ZFHX3: variants seen among roughly 807,000 people sequenced by gnomAD.
ZFHX3 encodes the protein zinc finger homeobox 3.
In ZFHX3, 42 loss-of-function variants were observed where a neutral mutation model predicts 279.1. The observed-to-expected ratio is 0.15, with a 90% CI of 0.12 to 0.19. The LOEUF (loss-of-function observed/expected upper bound fraction) is 0.19, where lower values mean the gene tolerates loss of function less well. ZFHX3 is among the 10% of genes least tolerant of loss of function. The pLI, the probability that ZFHX3 is intolerant of heterozygous loss-of-function variation, is 1.00. For synonymous variants in ZFHX3, 2,293 were observed against 1,957.8 expected, an observed-to-expected ratio of 1.17 and a Z score of -4.52; for missense variants, 4,981 against 4,754.0, an observed-to-expected ratio of 1.05 and a Z score of -1.40.
intron 1 of ZFHX3, among the ~76,000 whole-genome samples, chr16:73,695,958 T>C (rs1300453488): frequency 6.6e-6 from 1 of 152,186 alleles, no homozygotes; most frequent in Admixed American, 6.5e-5. Context: ...GTGGAAACTG[T>C]CTTATGCCAA....
intron 2 of ZFHX3, among the ~76,000 whole-genome samples, chr16:73,573,856 C>T (rs1212845403): frequency 6.6e-6 from 1 of 152,130 alleles, no homozygotes; most frequent in African/African-American, 2.4e-5. Flanking sequence ...TGCATATTTA[C>T]ATAAAATTTA....
intron 4 of ZFHX3, among the ~76,000 whole-genome samples, chr16:72,831,039 T>C (rs907729368): frequency 1.3e-5 from 2 of 152,180 alleles, no homozygotes; most frequent in Non-Finnish European, 2.9e-5. Flanking sequence ...CTTTTCAGTA[T>C]TTTAAAGTAT....
chr16:73,179,760 A>G (rs1967749687), intron 5 of ZFHX3, among the ~76,000 whole-genome samples: 1 of 152,140 alleles, frequency 6.6e-6, no homozygotes, highest in Non-Finnish European at 1.5e-5. Flanking sequence ...AATGAAATCC[A>G]CTGGGCCCTA....
At chr16:73,024,952 G>A (rs759068918) in intron 1 of ZFHX3, among the ~76,000 whole-genome samples, 3 of 152,046 alleles carry the variant, frequency 2.0e-5, no homozygotes, top group Admixed American at 1.3e-4. Flanking sequence ...ATACCCCTCG[G>A]CCTTGACTGC....
intron 4 of ZFHX3, among the ~76,000 whole-genome samples, chr16:72,845,269 C>T (rs1207181250): frequency 1.3e-5 from 2 of 152,188 alleles, no homozygotes; most frequent in African/African-American, 4.8e-5. Flanking sequence ...GAACCCCCTC[C>T]CCCTGCCACC....
intron 4 of ZFHX3, among the ~76,000 whole-genome samples, chr16:72,840,928 G>A (rs2037330172): frequency 6.6e-6 from 1 of 152,206 alleles, no homozygotes; most frequent in African/African-American, 2.4e-5. Context: ...CCAGCTTGAG[G>A]CAATGCTGCA....
At chr16:73,227,037 G>T (rs1351619828) in intron 5 of ZFHX3, among the ~76,000 whole-genome samples, 1 of 152,104 alleles carries the variant, frequency 6.6e-6, no homozygotes, top group African/African-American at 2.4e-5. Context: ...AGAATGATTC[G>T]TGAGTACTGA....
chr16:73,307,395 T>C (rs1005009495), intron 4 of ZFHX3, among the ~76,000 whole-genome samples: 2 of 152,260 alleles, frequency 1.3e-5, no homozygotes, highest in African/African-American at 4.8e-5. Context: ...CCCATGAGGA[T>C]AGTGAGCACT....
chr16:73,022,675 G>A (rs948957222), intron 1 of ZFHX3, among the ~76,000 whole-genome samples: 4 of 152,072 alleles, frequency 2.6e-5, no homozygotes, highest in African/African-American at 9.7e-5. Flanking sequence ...CACATGCCAC[G>A]ATCCCAGACA....
chr16:73,578,301 T>C (rs902246356), intron 2 of ZFHX3, among the ~76,000 whole-genome samples: 1 of 151,428 alleles, frequency 6.6e-6, no homozygotes, highest in African/African-American at 2.4e-5. Context: ...GAATCATAGA[T>C]ACATAAAATT....
At chr16:73,306,602 C>T (rs1244844561) in intron 4 of ZFHX3, among the ~76,000 whole-genome samples, 2 of 152,204 alleles carry the variant, frequency 1.3e-5, no homozygotes, top group Non-Finnish European at 2.9e-5. Context: ...GGATTGGAGG[C>T]GTGAGCCACT....
At chr16:73,437,758 T>A (rs2018021280) in intron 3 of ZFHX3, among the ~76,000 whole-genome samples, 1 of 152,220 alleles carries the variant, frequency 6.6e-6, no homozygotes, top group African/African-American at 2.4e-5. Flanking sequence ...GCTAAAACTG[T>A]TTCCAAGTGG....
At chr16:73,017,987 A>T (rs1380251084) in intron 1 of ZFHX3, among the ~76,000 whole-genome samples, 5 of 136,842 alleles carry the variant, frequency 3.7e-5, no homozygotes, top group Non-Finnish European at 7.6e-5. Flanking sequence ...CTCAGTTTTT[A>T]TCTTTTTTTT....
At chr16:73,420,834 C>A in intron 3 of ZFHX3, 1 of 152,186 alleles carries the variant, frequency 6.6e-6, no homozygotes, top group East Asian at 1.9e-4. Flanking sequence ...TTGTCTATGA[C>A]TCAAATTACA....
At chr16:73,694,282 C>T (rs1394810519) in intron 1 of ZFHX3, among the ~76,000 whole-genome samples, 2 of 152,294 alleles carry the variant, frequency 1.3e-5, no homozygotes, top group East Asian at 3.9e-4. Flanking sequence ...AAGATCACAC[C>T]ACTGCATTCC....
chr16:73,506,485 G>A (rs1177454823), intron 2 of ZFHX3, among the ~76,000 whole-genome samples: 5 of 152,082 alleles, frequency 3.3e-5, no homozygotes, highest in Admixed American at 6.5e-5. Context: ...AGAGTCCCAC[G>A]GAAAAAGTTG....
intron 2 of ZFHX3, among the ~76,000 whole-genome samples, chr16:73,631,925 TCTCACA>T (rs1335078247): frequency 1.8e-3 from 165 of 90,940 alleles, no homozygotes; most frequent in African/African-American, 5.2e-3. Context: ...TCTCTCTCTC[TCTCACA>T]CACACACACA....
intron 1 of ZFHX3, among the ~76,000 whole-genome samples, chr16:73,038,847 G>C (rs1965007584): frequency 6.6e-6 from 1 of 151,382 alleles, no homozygotes. Flanking sequence ...ACCCAGGCTG[G>C]AGTGCAGTGG....
intron 1 of ZFHX3, among the ~76,000 whole-genome samples, chr16:73,696,436 T>C (rs924424243): frequency 6.6e-6 from 1 of 152,168 alleles, no homozygotes; most frequent in African/African-American, 2.4e-5. Context: ...GTGTAGACTG[T>C]TGGGATAACC....
Sources: gnomAD v4.1 joint callset for allele counts (sites outside exome capture counted in the v4.1 genomes callset) on GRCh38, gnomAD v4.1.1 for gene constraint, MANE v1.5 for transcripts, NCBI Gene and HGNC (gene_info 2026-07-23, HGNC 2026-07-21) for gene names.